HSD17B4: variants seen among roughly 807,000 people sequenced by gnomAD.
HSD17B4 encodes the protein peroxisomal multifunctional enzyme type 2.
Under a neutral mutation model 101.0 loss-of-function variants are expected in HSD17B4, and 70 were observed. The ratio of observed to expected loss-of-function variants is 0.69; its 90% CI spans 0.57 to 0.85. The LOEUF is 0.85. Ranked by LOEUF, HSD17B4 falls within the 40% of genes least tolerant of loss-of-function variation. HSD17B4 has a pLI of 0.00. For missense variants in HSD17B4, 984 were observed against 892.4 expected (o/e 1.10, Z -1.31); for synonymous variants, 347 against 297.1 (o/e 1.17, Z -1.73).
At chr5:119,456,022 A>G (rs1456198077) in intron 1 of HSD17B4, among the ~76,000 whole-genome samples, 1 of 152,172 alleles carries the variant, frequency 6.6e-6, no homozygotes, top group African/African-American at 2.4e-5. Context: ...ACACCTTCTA[A>G]GTTTTATGCA....
At chr5:119,540,515 A>C (rs546274181) in intron 23 of HSD17B4, among the ~76,000 whole-genome samples, 1 of 152,210 alleles carries the variant, frequency 6.6e-6, no homozygotes, top group Non-Finnish European at 1.5e-5. Flanking sequence ...AATCTCTTTC[A>C]GAGTTTAGTA....
intron 19 of HSD17B4, among the ~76,000 whole-genome samples, chr5:119,526,368 A>G (rs1302724372): frequency 1.3e-5 from 2 of 151,734 alleles, no homozygotes; most frequent in African/African-American, 2.4e-5. Flanking sequence ...AATTTAATTA[A>G]AAATGTTAAG....
intron 8 of HSD17B4, 95 bp from the exon 9 acceptor site, chr5:119,489,097 A>G (rs1749862437): frequency 3.5e-6 from 3 of 859,994 alleles, no homozygotes; most frequent in Non-Finnish European, 3.9e-6. Flanking sequence ...TTTTGTTCCT[A>G]TTTTAAAGGT....
At chr5:119,533,289 C>CCT (rs1554069199) in intron 22 of HSD17B4, among the ~76,000 whole-genome samples, 40,465 of 147,738 alleles carry the variant, frequency 0.27, 6,757 homozygotes, top group East Asian at 0.41. Context: ...GACAGGATGC[C>CCT]TTTTTTTTTT....
intron 14 of HSD17B4, among the ~76,000 whole-genome samples, chr5:119,503,272 A>G (rs984666561): frequency 5.9e-5 from 9 of 152,070 alleles, no homozygotes; most frequent in Non-Finnish European, 1.2e-4. Context: ...GCCGTTAGGG[A>G]TTTTAAAATA....
At chr5:119,483,168 T>C (rs1749301476) in intron 8 of HSD17B4, among the ~76,000 whole-genome samples, 1 of 152,042 alleles carries the variant, frequency 6.6e-6, no homozygotes, top group Non-Finnish European at 1.5e-5. Flanking sequence ...AGTGTTGGAG[T>C]CTCCTCCTAA....
rs925921628 is a variant in HSD17B4 at position 119,527,021 on chromosome 5, C to T, written c.1681-112C>T. 1.4e-4 allele frequency: 95 copies of T among 683,204 alleles called. 1 individual carries two copies. The highest frequency in any genetic ancestry group is 2.3e-4 in the Non-Finnish European group (87 of 374,952). The allele number at this position is 683,204 out of a possible 1,614,324, so 42.3% of individuals were successfully genotyped here. On this transcript the variant is annotated intron_variant, in intron 19 of 23. Transcript: ENST00000510025. ...TTTTATGAATTTAAATATCTTTAAA[C>T]CTTGATTTTTTTTTTCTTTTGTGCT...
intron 17 of HSD17B4, among the ~76,000 whole-genome samples, chr5:119,518,100 C>A (rs893481463): frequency 3.3e-5 from 5 of 152,154 alleles, no homozygotes; most frequent in Non-Finnish European, 5.9e-5. Flanking sequence ...TGGCAACCCG[C>A]TCCGGTCCCC....
intron 16 of HSD17B4, among the ~76,000 whole-genome samples, chr5:119,509,683 C>G (rs932787234): frequency 6.6e-6 from 1 of 152,092 alleles, no homozygotes; most frequent in Non-Finnish European, 1.5e-5. Context: ...CAGGCTTGGT[C>G]GACTGCTGCA....
At chr5:119,530,580 C>G (rs59944560) in intron 21 of HSD17B4, among the ~76,000 whole-genome samples, 26,323 of 151,048 alleles carry the variant, frequency 0.17, 2,625 homozygotes, top group Non-Finnish European at 0.23. Flanking sequence ...AGAGCGGGCT[C>G]GGTGCCTCAC....
chr5:119,514,859 C>T, intron 16 of HSD17B4, 122 bp from the exon 17 acceptor site: 18 of 671,634 alleles, frequency 2.7e-5, no homozygotes, highest in East Asian at 5.2e-5. Flanking sequence ...TTTTTTAAAC[C>T]CTTTTATCCA....
intron 10 of HSD17B4, chr5:119,493,013 G>A (rs1005469441): frequency 1.5e-4 from 23 of 152,056 alleles, no homozygotes; most frequent in African/African-American, 5.1e-4. Flanking sequence ...TTATATTCTT[G>A]AAGCATTTTT....
At chr5:119,494,324 C>T (rs867211014) in intron 11 of HSD17B4, among the ~76,000 whole-genome samples, 1,628 of 116,268 alleles carry the variant, frequency 0.014, 17 homozygotes, top group Non-Finnish European at 0.021. Flanking sequence ...TTCTTTCTTT[C>T]TTTTCTTTCT....
At chr5:119,457,845 G>T (rs1202010690) in intron 2 of HSD17B4, among the ~76,000 whole-genome samples, 1 of 152,062 alleles carries the variant, frequency 6.6e-6, no homozygotes, top group Non-Finnish European at 1.5e-5. Flanking sequence ...TTCTTTTATT[G>T]TTGATATACT....
intron 2 of HSD17B4, among the ~76,000 whole-genome samples, chr5:119,463,655 C>CTTTTTTTTTTTTTTTTTTTTTTT (rs57252147): frequency 3.4e-5 from 1 of 29,688 alleles, no homozygotes; most frequent in African/African-American, 7.5e-5. Context: ...ATTTATATGT[C>CTTTTTTTTTTTTTTTTTTTTTTT]TTTTTTTTTT....
chr5:119,453,376 G>T (rs1311423181), intron 1 of HSD17B4, among the ~76,000 whole-genome samples: 2 of 152,214 alleles, frequency 1.3e-5, no homozygotes, highest in Admixed American at 6.5e-5. Flanking sequence ...TATTTCAGGA[G>T]CGGCAAAATG....
chr5:119,502,002 A>C, intron 13 of HSD17B4, 39 bp from the exon 14 acceptor site: 1 of 1,324,442 alleles, frequency 7.6e-7, no homozygotes, highest in Non-Finnish European at 1.1e-6. Context: ...CTGTGGAGCA[A>C]GAAAGTTTGC....
At chr5:119,508,365 A>G (rs1319142740) in intron 15 of HSD17B4, among the ~76,000 whole-genome samples, 1 of 152,232 alleles carries the variant, frequency 6.6e-6, no homozygotes, top group African/African-American at 2.4e-5. Context: ...TTGGTTATTC[A>G]GTTGCCTATG....
chr5:119,495,117 A>C (rs1750511557), intron 11 of HSD17B4, among the ~76,000 whole-genome samples: 1 of 152,056 alleles, frequency 6.6e-6, no homozygotes, highest in Non-Finnish European at 1.5e-5. Flanking sequence ...ATTCTCAATC[A>C]GATGATAACA....
Sources: allele counts gnomAD v4.1 joint callset (sites outside exome capture counted in the v4.1 genomes callset), GRCh38; gene constraint gnomAD v4.1.1; transcripts MANE v1.5; gene names NCBI Gene and HGNC (gene_info 2026-07-23, HGNC 2026-07-21).